Variants in DOCK3 observed in about 807,000 individuals in gnomAD.
DOCK3 encodes the protein dedicator of cytokinesis protein 3.
A neutral mutation model predicts 265.6 loss-of-function variants in DOCK3; 60 were observed. The observed-to-expected ratio is 0.23, with a 90% CI of 0.18 to 0.28. The LOEUF is 0.28. Ranked by LOEUF, DOCK3 falls within the 10% of genes least tolerant of loss-of-function variation. The pLI is 1.00. For missense variants in DOCK3, 1,981 were observed against 2,594.3 expected (o/e 0.76, Z 5.14); for synonymous variants, 881 against 938.0 (o/e 0.94, Z 1.11).
rs2086476074 is a variant in DOCK3 at position 51,358,022 on chromosome 3, C to T, written c.4829C>T (p.Pro1610Leu). 6.2e-7 allele frequency: 1 copy of T among 1,613,978 alleles called. No homozygotes were observed. The highest frequency in any genetic ancestry group is 8.5e-7 in the Non-Finnish European group (1 of 1,179,880). The change falls in exon 46 of 53, where the codon CCT becomes CTT. Residue 1610 changes from proline (P) to leucine (L), a missense_variant. Physicochemically the swap from Pro to Leu is moderately conservative, Grantham distance 98 (BLOSUM62 -3). Around this residue, in one of 4 missense-constraint regions of DOCK3, gnomAD observed 1,357 missense variants for 1,866.8 expected, o/e 0.73. Coordinates refer to ENST00000266037, the MANE Select transcript of DOCK3 (RefSeq NM_004947.5). ...HEKFVHPEMR[P>L]LHKKLIDQFQ... ...AAGTTTGTGCACCCAGAAATGCGGC[C>T]TCTGCATAAGAAGCTAATTGATCAG...
chr3:51,229,795 G>A (rs966802793), intron 19 of DOCK3, among the ~76,000 whole-genome samples, 186 bp downstream of exon 19: 1 of 151,880 alleles, frequency 6.6e-6, no homozygotes, highest in Non-Finnish European at 1.5e-5. Flanking sequence ...ATTTTTAACT[G>A]ACAAATAATA....
At chr3:51,250,034 C>A (rs1298395878) in intron 22 of DOCK3, among the ~76,000 whole-genome samples, 2 of 151,998 alleles carry the variant, frequency 1.3e-5, no homozygotes, top group South Asian at 2.1e-4. Context: ...GGATTAAGGG[C>A]GGTGCAAGAT....
At chr3:50,811,791 T>C (rs1262553011) in intron 2 of DOCK3, among the ~76,000 whole-genome samples, 2 of 152,198 alleles carry the variant, frequency 1.3e-5, no homozygotes, top group African/African-American at 4.8e-5. Context: ...TATATTGTTA[T>C]AACAGTTATG....
chr3:50,871,398 A>G (rs935040451), intron 3 of DOCK3, among the ~76,000 whole-genome samples: 4 of 150,622 alleles, frequency 2.7e-5, no homozygotes, highest in African/African-American at 9.8e-5. Context: ...TTGGAGCTCC[A>G]TTGTATGTTA....
chr3:51,275,185 C>T lies in DOCK3; in HGVS notation c.2655C>T (p.Ser885=), dbSNP rs779616266. The T allele has an allele frequency of 1.2e-6, 2 of 1,614,006 alleles. No homozygotes were observed. Among genetic ancestry groups the T allele is most frequent in the Non-Finnish European group, 1.7e-6 (2 of 1,179,894 alleles). Residue 885 remains serine, a synonymous_variant, in exon 25 of 53, where the codon TCC becomes TCT. Coordinates refer to ENST00000266037, the MANE Select transcript of DOCK3 (RefSeq NM_004947.5). ...CAGGGATTCTTGGCAGCATCTTCTC[C>T]ATCGTCAAGACCAGCTCTCTGGTAG... The part of the protein sequence containing the change: ...ICSGILGSIF[S]IVKTSSLEAD...
chr3:50,712,237 G>C (rs1393881592), intron 1 of DOCK3, among the ~76,000 whole-genome samples: 1 of 151,904 alleles, frequency 6.6e-6, no homozygotes, highest in East Asian at 1.9e-4. Flanking sequence ...GTTTCTTATG[G>C]TGAATGTTTA....
At chr3:51,203,289 C>T (rs2088941547) in intron 12 of DOCK3, among the ~76,000 whole-genome samples, 1 of 150,412 alleles carries the variant, frequency 6.6e-6, no homozygotes, top group African/African-American at 2.4e-5. Flanking sequence ...AGCCCAAAAT[C>T]TCCTTAAGCT....
intron 14 of DOCK3, among the ~76,000 whole-genome samples, chr3:51,225,242 AC>A (rs1034943861): frequency 6.6e-6 from 1 of 152,174 alleles, no homozygotes; most frequent in Non-Finnish European, 1.5e-5. Context: ...TAAAAGAGAA[AC>A]CCTTCTTGAG....
At position 51,089,257 on chromosome 3, in the gene DOCK3, G is replaced by A; in HGVS notation, c.564G>A (p.Arg188=). 6.2e-7 allele frequency: 1 copy of A among 1,609,100 alleles called. No homozygotes were observed. Among genetic ancestry groups the A allele is most frequent in the Non-Finnish European group, 8.5e-7 (1 of 1,177,690 alleles). The part of the protein sequence containing the change: ...SDLYKMHLSS[R]QSVQQSTSQV... ...TCTTTCCATAGCATTTATCTAGCCG[G>A]CAGAGTGTACAGCAAAGCACATCCC... The change falls in exon 8 of 53, where the codon CGG becomes CGA. Residue 188 remains arginine (R), a synonymous_variant. Coordinates refer to ENST00000266037, the MANE Select transcript of DOCK3 (RefSeq NM_004947.5).
At position 51,225,740 on chromosome 3, in the gene DOCK3, G is replaced by T. The variant is rs1443377247; in HGVS notation, c.1344G>T (p.Met448Ile). The change falls in exon 15 of 53, where the codon ATG becomes ATT. Residue 448 changes from methionine (M) to isoleucine (I), a missense_variant. Coordinates refer to ENST00000266037, the MANE Select transcript of DOCK3 (RefSeq NM_004947.5). ...TACAAAAGAATATTGAAGTGACCAT[G>T]TATGTGCTTTATGCAGATGGAGAAA... The part of the protein sequence containing the change: ...KSVQKNIEVT[M>I]YVLYADGEIL... The T allele has an allele frequency of 6.2e-7, 1 of 1,613,424 alleles. No homozygotes were observed. The highest frequency in any genetic ancestry group is 1.7e-5 in the Admixed American group (1 of 59,964).
intron 5 of DOCK3, among the ~76,000 whole-genome samples, chr3:51,018,200 T>C (rs1409567223): frequency 1.3e-5 from 2 of 151,874 alleles, no homozygotes; most frequent in Non-Finnish European, 2.9e-5. Context: ...TCTGTATCTT[T>C]TTATCTTTCA....
chr3:51,304,808 G>T (rs2082564146), intron 27 of DOCK3, among the ~76,000 whole-genome samples: 2 of 152,122 alleles, frequency 1.3e-5, no homozygotes, highest in South Asian at 2.1e-4. Context: ...GTCAGTCCCA[G>T]TGAGAGAACC....
rs572036197 is a variant in DOCK3, at chr3:50,820,148, C to A, written c.122-21527C>A. Among the ~76,000 whole-genome samples the A allele has an allele frequency of 9.8e-5, 15 of 152,348 alleles. No individual in the cohort carries two copies. The South Asian group carries it at 2.9e-3, about 29-fold the overall frequency. Reference sequence around the variant, plus strand: ...CATAAGTTTACTCAGGCAGCCCATGCCGCTGCTCTGTCTGTAGAGTAACTG... The same window carrying A: ...CATAAGTTTACTCAGGCAGCCCATGACGCTGCTCTGTCTGTAGAGTAACTG... On this transcript the variant is annotated intron_variant, in intron 2 of 52. Transcript: ENST00000266037.
chr3:51,073,329 G>A (rs1468172235), intron 6 of DOCK3, among the ~76,000 whole-genome samples: 2 of 152,082 alleles, frequency 1.3e-5, no homozygotes, highest in Non-Finnish European at 2.9e-5. Flanking sequence ...TATGTCAGTT[G>A]CTTTTTATAA....
At chr3:50,902,779 T>G (rs576864174) in intron 4 of DOCK3, among the ~76,000 whole-genome samples, 1 of 152,354 alleles carries the variant, frequency 6.6e-6, no homozygotes, top group East Asian at 1.9e-4. Flanking sequence ...TATGGCCATT[T>G]TCACAATATT....
At chr3:50,753,977 G>T (rs1427928250) in intron 1 of DOCK3, among the ~76,000 whole-genome samples, 1 of 151,930 alleles carries the variant, frequency 6.6e-6, no homozygotes, top group Admixed American at 6.6e-5. Flanking sequence ...CCAACATAGT[G>T]AAACCCCGTC....
Position 51,382,967 on chromosome 3 carries a change from ATTTT to A in DOCK3, c.*1413_*1416del. 1 of 151,878 alleles carries A rather than the reference ATTTT, an allele frequency of 6.6e-6. No individual in the cohort carries two copies. 9.4% of individuals were successfully genotyped at this position (151,878 alleles called of 1,614,324 possible). A position where few individuals can be genotyped will look rare whatever the true frequency, so the allele number is the denominator to read the frequency against. Reference sequence around the variant, plus strand: ...TTACTTTAAAAAAAGCCTACAAAATATTTTTTTTCTTTTATTTGCTCGAGTTCAC... The same window carrying A: ...TTACTTTAAAAAAAGCCTACAAAATATTTTCTTTTATTTGCTCGAGTTCAC... On this transcript the variant is annotated 3_prime_UTR_variant, in exon 53 of 53. Transcript: ENST00000266037.
At chr3:50,761,546 T>G (rs2040530613) in intron 1 of DOCK3, among the ~76,000 whole-genome samples, 1 of 152,172 alleles carries the variant, frequency 6.6e-6, no homozygotes, top group Non-Finnish European at 1.5e-5. Flanking sequence ...ACCTTTGGTG[T>G]CTTTATCCCT....
rs1393919634 is a variant in DOCK3 at position 51,382,798 on chromosome 3, G to A, written c.*1239G>A. ...TCTCCAGTCTCCCCAGTCTGTTGGT[G>A]TCTTTATAGGAAACTATAAAGCAGA... On this transcript the variant is annotated 3_prime_UTR_variant, in exon 53 of 53. Coordinates refer to ENST00000266037, the MANE Select transcript of DOCK3 (RefSeq NM_004947.5). The A allele has an allele frequency of 6.6e-6, 1 of 152,406 alleles. No individual in the cohort carries two copies. The highest frequency in any genetic ancestry group is 1.5e-5 in the Non-Finnish European group (1 of 68,036). 9.4% of individuals were successfully genotyped at this position (152,406 alleles called of 1,614,324 possible).
Sources: gnomAD v4.1 joint callset for allele counts (sites outside exome capture counted in the v4.1 genomes callset) on GRCh38, gnomAD v4.1.1 for gene constraint, gnomAD v4.1.1 regional missense constraint, MANE v1.5 for transcripts, NCBI Gene and HGNC (gene_info 2026-07-23, HGNC 2026-07-21) for gene names.